ADORA1: variants seen among roughly 807,000 people sequenced by gnomAD.
The protein encoded by ADORA1 is adenosine receptor A1.
ADORA1 carries 6 observed loss-of-function variants against 19.9 expected under a neutral mutation model. The ratio of observed to expected loss-of-function variants is 0.30; its 90% CI spans 0.17 to 0.59. The LOEUF (loss-of-function observed/expected upper bound fraction) is 0.59, where lower values mean the gene tolerates loss of function less well. Ranked by LOEUF, ADORA1 falls within the 20% of genes least tolerant of loss-of-function variation. The pLI is 0.87. For synonymous variants in ADORA1, 194 were observed against 188.4 expected, an observed-to-expected ratio of 1.03 and a Z score of -0.24; for missense variants, 302 against 439.2, an observed-to-expected ratio of 0.69 and a Z score of 2.79.
intron 3 of ADORA1, among the ~76,000 whole-genome samples, chr1:203,142,218 T>A (rs946827119): frequency 6.6e-6 from 1 of 152,198 alleles, no homozygotes; most frequent in African/African-American, 2.4e-5. Context: ...CAAAGTTTGT[T>A]TTTTATTTAC....
Position 203,165,631 on chromosome 1 carries a change from C to A in ADORA1, c.712C>A (p.Leu238Ile). ...KELKIAKSLA[L>I]ILFLFALSWL... ...GCTGAAGATCGCCAAGTCGCTGGCC[C>A]TCATCCTCTTCCTCTTTGCCCTCAG... Residue 238 changes from leucine (L) to isoleucine (I), a missense_variant, in exon 4 of 4, where the codon CTC becomes ATC. Transcript: ENST00000337894. This position sits in a 1 kb window ranked among gnomAD's most constrained non-coding sequence, Gnocchi z 5.9. 1 of 1,612,210 alleles carries A rather than the reference C, an allele frequency of 6.2e-7. No individual in the cohort carries two copies. Among genetic ancestry groups the A allele is most frequent in the Non-Finnish European group, 8.5e-7 (1 of 1,178,538 alleles).
intron 3 of ADORA1, among the ~76,000 whole-genome samples, chr1:203,131,754 G>A (rs993873060): frequency 1.3e-5 from 2 of 152,188 alleles, no homozygotes; most frequent in Non-Finnish European, 2.9e-5. Context: ...GGGCTCCTGC[G>A]TGGCACTGCC....
At chr1:203,161,290 T>A (rs1400982895) in intron 3 of ADORA1, among the ~76,000 whole-genome samples, 3 of 152,168 alleles carry the variant, frequency 2.0e-5, no homozygotes, top group South Asian at 2.1e-4. Context: ...TACTATGGAG[T>A]TCATGTTATT....
chr1:203,128,801 C>G lies in ADORA1; in HGVS notation c.-41C>G. ...ACCACACAGGTGCTTGCCTCGTGCC[C>G]CTTGGTGCCCGTCTGCTGATGTGCC... is the stretch of plus-strand genomic sequence containing the variant. On this transcript the variant is annotated 5_prime_UTR_variant, in exon 3 of 4. Coordinates refer to ENST00000337894, the MANE Select transcript of ADORA1 (RefSeq NM_000674.3). This position sits in a 1 kb window ranked among gnomAD's most constrained non-coding sequence, Gnocchi z 5.9. 1 of 1,553,302 alleles carries G rather than the reference C, an allele frequency of 6.4e-7. No homozygotes were observed. The highest frequency in any genetic ancestry group is 8.7e-7 in the Non-Finnish European group (1 of 1,153,256).
intron 3 of ADORA1, among the ~76,000 whole-genome samples, chr1:203,146,649 G>A (rs1347865322): frequency 6.6e-6 from 1 of 150,762 alleles, no homozygotes; most frequent in African/African-American, 2.4e-5. Flanking sequence ...AAAAGAGAAA[G>A]AGAGAGAATA....
At chr1:203,152,918 A>T (rs756143390) in intron 3 of ADORA1, among the ~76,000 whole-genome samples, 5 of 152,136 alleles carry the variant, frequency 3.3e-5, no homozygotes, top group Non-Finnish European at 7.4e-5. Flanking sequence ...ATTCCATAGG[A>T]TATGCCCTGG....
intron 3 of ADORA1, among the ~76,000 whole-genome samples, chr1:203,158,664 C>T (rs577175109): frequency 6.6e-6 from 1 of 152,330 alleles, no homozygotes; most frequent in Admixed American, 6.5e-5. Flanking sequence ...TGGTACCAAT[C>T]TTCTGTCTTA....
At position 203,149,949 on chromosome 1, in the gene ADORA1, T is replaced by A. The variant is rs145516551; in HGVS notation, c.342-15312T>A. On this transcript the variant is annotated intron_variant, in intron 3 of 3. Coordinates refer to ENST00000337894, the MANE Select transcript of ADORA1 (RefSeq NM_000674.3). ...ATATGATTTCATTTCCTTCCCCAAA[T>A]ATTATTGAGTGCTTACTGTGTGCCA... 3.9e-5 allele frequency: 6 copies of A among 152,304 alleles called. No homozygotes were observed. The East Asian group carries it at 1.2e-3, about 29-fold the overall frequency. 9.4% of individuals were successfully genotyped at this position (152,304 alleles called of 1,614,324 possible).
rs1232373288 is a variant in ADORA1 at position 203,165,564 on chromosome 1, G to T, written c.645G>T (p.Val215=). ...TCCGCAAGCAGCTCAACAAGAAGGT[G>T]TCGGCCTCCTCCGGCGACCCGCAGA... ...YLIRKQLNKK[V]SASSGDPQKY... Residue 215 remains valine (V), a synonymous_variant, in exon 4 of 4, where the codon GTG becomes GTT. Coordinates refer to ENST00000337894, the MANE Select transcript of ADORA1 (RefSeq NM_000674.3). This position sits in a 1 kb window ranked among gnomAD's most constrained non-coding sequence, Gnocchi z 5.9. The T allele has an allele frequency of 6.2e-7, 1 of 1,613,852 alleles. No individual in the cohort carries two copies.
chr1:203,150,207 G>C (rs570030679), intron 3 of ADORA1, among the ~76,000 whole-genome samples: 3 of 152,212 alleles, frequency 2.0e-5, no homozygotes, highest in Non-Finnish European at 2.9e-5. Flanking sequence ...CACCCACTGG[G>C]TGAGCCTGGG....
chr1:203,156,422 C>G (rs1240088018), intron 3 of ADORA1, among the ~76,000 whole-genome samples: 1 of 152,104 alleles, frequency 6.6e-6, no homozygotes, highest in Admixed American at 6.5e-5. Context: ...AGGAAATGAA[C>G]AGGAAGTGCA....
chr1:203,138,534 A>G (rs1654581131), intron 3 of ADORA1, among the ~76,000 whole-genome samples: 1 of 152,218 alleles, frequency 6.6e-6, no homozygotes, highest in Non-Finnish European at 1.5e-5. Context: ...CTGGAAGCCA[A>G]GTGTAGACAG....
At chr1:203,136,872 C>T (rs534718757) in intron 3 of ADORA1, among the ~76,000 whole-genome samples, 10 of 152,300 alleles carry the variant, frequency 6.6e-5, no homozygotes, top group Non-Finnish European at 1.2e-4. Context: ...TTCATTTGTT[C>T]ATTTATTCAA....
At chr1:203,156,092 T>C (rs919005102) in intron 3 of ADORA1, among the ~76,000 whole-genome samples, 3 of 152,246 alleles carry the variant, frequency 2.0e-5, no homozygotes, top group African/African-American at 7.2e-5. Context: ...CAAATAGTTA[T>C]TGAGCACTGA....
chr1:203,164,723 G>C (rs1890871), intron 3 of ADORA1, among the ~76,000 whole-genome samples: 7,136 of 152,278 alleles, frequency 0.047, 240 homozygotes, highest in South Asian at 0.1. Flanking sequence ...CAAGAGAAGG[G>C]ATGGTTTGTT....
At chr1:203,137,764 G>T (rs934593455) in intron 3 of ADORA1, among the ~76,000 whole-genome samples, 2 of 152,034 alleles carry the variant, frequency 1.3e-5, no homozygotes, top group Admixed American at 1.3e-4. Flanking sequence ...CCACTACCCC[G>T]ATCAATATTT....
chr1:203,160,806 A>G lies in ADORA1; in HGVS notation c.342-4455A>G, dbSNP rs534138995. Among the ~76,000 whole-genome samples the G allele has an allele frequency of 9.6e-4, 147 of 152,340 alleles. 1 individual carries two copies. Among genetic ancestry groups the G allele is most frequent in the African/African-American group, 3.2e-3 (135 of 41,578 alleles). Reference sequence around the variant, plus strand: ...AGCCTAGGAGACAGAGTGAGAGCCTATCTCTTAAATAAATAAATAAATAGT... The same window carrying G: ...AGCCTAGGAGACAGAGTGAGAGCCTGTCTCTTAAATAAATAAATAAATAGT... On this transcript the variant is annotated intron_variant, in intron 3 of 3. Coordinates refer to ENST00000337894, the MANE Select transcript of ADORA1 (RefSeq NM_000674.3).
intron 3 of ADORA1, among the ~76,000 whole-genome samples, chr1:203,161,738 A>C (rs1655375189): frequency 6.6e-6 from 1 of 151,770 alleles, no homozygotes; most frequent in African/African-American, 2.4e-5. Context: ...CGCCTGACTA[A>C]TTTTGTATTT....
At chr1:203,139,730 T>C (rs979006987) in intron 3 of ADORA1, among the ~76,000 whole-genome samples, 1 of 152,236 alleles carries the variant, frequency 6.6e-6, no homozygotes, top group Non-Finnish European at 1.5e-5. Flanking sequence ...ATGGAACTTA[T>C]AGGCTAGCAG....
Sources: allele counts gnomAD v4.1 joint callset (sites outside exome capture counted in the v4.1 genomes callset), GRCh38; gene constraint gnomAD v4.1.1; non-coding constraint Gnocchi (gnomAD v3.1); transcripts MANE v1.5; gene names NCBI Gene and HGNC (gene_info 2026-07-23, HGNC 2026-07-21).